The following TNXB variants were observed in gnomAD, a reference collection of about 807,000 sequenced individuals.
TNXB encodes tenascin-X.
TNXB carries 183 observed loss-of-function variants against 340.5 expected under a neutral mutation model. That is an observed-to-expected ratio of 0.54 (90% CI 0.48 to 0.61). The LOEUF is 0.61. TNXB is among the 20% of genes least tolerant of loss of function. TNXB has a pLI of 0.00. For synonymous variants in TNXB, 2,121 were observed against 2,314.5 expected, an observed-to-expected ratio of 0.92 and a Z score of 2.40; for missense variants, 4,613 against 5,446.4, an observed-to-expected ratio of 0.85 and a Z score of 4.82.
Position 32,042,595 on chromosome 6 carries a change from T to G in TNXB, c.12070A>C (p.Ile4024Leu), listed in dbSNP as rs1312451644. The change falls in exon 40 of 44, where the codon ATC becomes CTC. Residue 4024 changes from isoleucine to leucine, a missense_variant. Ile to Leu is a conservative substitution (Grantham distance 5). Coordinates refer to ENST00000644971, the MANE Select transcript of TNXB (RefSeq NM_001365276.2). Reference sequence around the variant, plus strand: ...TCCCCGCAGTCCCTGGGGAAGGGGATCCGCAGCCCACCTGGGAGAGGAGAG... The same window carrying G: ...TCCCCGCAGTCCCTGGGGAAGGGGAGCCGCAGCCCACCTGGGAGAGGAGAG... The part of the protein sequence containing the change: ...STSFTTGGLR[I>L]PFPRDCGEEM... 3 of 1,574,878 alleles carry G rather than the reference T, an allele frequency of 1.9e-6. No homozygotes were observed. The African/African-American group carries it at 4.1e-5, about 22-fold the overall frequency.
chr6:32,065,973 A>T (rs1778312673), intron 18 of TNXB, among the ~76,000 whole-genome samples: 2 of 152,172 alleles, frequency 1.3e-5, no homozygotes, highest in Non-Finnish European at 2.9e-5. Context: ...TTTAAAAATA[A>T]TTTTTTTAAA....
chr6:32,086,005 C>T lies in TNXB; in HGVS notation c.2893G>A (p.Glu965Lys). 1 of 1,606,634 alleles carries T rather than the reference C, an allele frequency of 6.2e-7. No homozygotes were observed. Among genetic ancestry groups the T allele is most frequent in the Non-Finnish European group, 8.5e-7 (1 of 1,178,352 alleles). ...LLQQRPQELG[E>K]LRVLGRDETG... The stretch of plus-strand genomic sequence containing the variant: ...TCATCTCTGCCCAGCACCCTCAACT[C>T]TCCCAGCTCCTGGGGGCGCTGCTGC... Residue 965 changes from glutamate to lysine, a missense_variant, in exon 7 of 44, where the codon GAG (glutamate) becomes AAG (lysine). Transcript: ENST00000644971.
chr6:32,098,010 T>C lies in TNXB; in HGVS notation c.189A>G (p.Thr63=). 6.2e-7 allele frequency: 1 copy of C among 1,607,438 alleles called. No individual in the cohort carries two copies. The highest frequency in any genetic ancestry group is 8.5e-7 in the Non-Finnish European group (1 of 1,178,130). ...GSPSSQLYEH[T]VEGGEKQVVF... is the part of the protein sequence containing the mutation. ...CCACCTGCTTCTCCCCTCCTTCCAC[T>C]GTGTGCTCGTAAAGCTGAGAAGAGG... Residue 63 remains threonine, a synonymous_variant, in exon 2 of 44, where the codon ACA becomes ACG. Coordinates refer to ENST00000644971, the MANE Select transcript of TNXB (RefSeq NM_001365276.2).
rs370069053 is a variant in TNXB at position 32,081,578 on chromosome 6, G to T, written c.3832C>A (p.Arg1278Ser). The T allele has an allele frequency of 1.9e-6, 3 of 1,603,168 alleles. No homozygotes were observed. The highest frequency in any genetic ancestry group is 2.2e-5 in the East Asian group (1 of 44,660). ...CCCTGGGCCACTGTCCATGAGAGAC[G>T]CAAGGAGTCTGGGGTCACGCCGGTC... ...TVTGVTPDSL[R>S]LSWTVAQGPF... The change falls in exon 10 of 44, where the codon CGT becomes AGT. Residue 1278 changes from arginine (R) to serine (S), a missense_variant. By Grantham distance (110) the Arg-to-Ser change is moderately radical. This residue lies in a region of TNXB where 4,327 missense variants were observed against 4,859.4 expected (regional missense o/e 0.89). Coordinates refer to ENST00000644971, the MANE Select transcript of TNXB (RefSeq NM_001365276.2). The surrounding 1 kb of genome is among the most constrained non-coding windows in gnomAD (Gnocchi z 5.1).
Position 32,049,448 on chromosome 6 carries a change from G to C in TNXB, c.9579C>G (p.Phe3193Leu). The C allele has an allele frequency of 6.2e-7, 1 of 1,612,678 alleles. No individual in the cohort carries two copies. Among genetic ancestry groups the C allele is most frequent in the Non-Finnish European group, 8.5e-7 (1 of 1,179,874 alleles). Reference protein sequence around the residue: ...SLSWTVPQGRFDSFTVQYKDR... With the variant: ...SLSWTVPQGRLDSFTVQYKDR... ...CCTTGTACTGCACGGTGAAGGAGTC[G>C]AAGCGGCCCTGGGGGACGGTCCAGG... The change falls in exon 28 of 44, where the codon TTC becomes TTG. Residue 3193 changes from phenylalanine (F) to leucine (L), a missense_variant. Physicochemically the swap from Phe to Leu is conservative, Grantham distance 22. Around this residue, in one of 7 missense-constraint regions of TNXB, gnomAD observed 4,327 missense variants for 4,859.4 expected, o/e 0.89. Coordinates refer to ENST00000644971, the MANE Select transcript of TNXB (RefSeq NM_001365276.2). The surrounding 1 kb of genome is among the most constrained non-coding windows in gnomAD (Gnocchi z 4.5).
rs1225379150 is a variant in TNXB, at chr6:32,085,537, C to T, written c.3148+213G>A. ...TTACCTCTGCCTCTTTCCCCTCTCC[C>T]CACCCATCCTTATCATTGTTTTAAG... On this transcript the variant is annotated intron_variant, in intron 7 of 43. Coordinates refer to ENST00000644971, the MANE Select transcript of TNXB (RefSeq NM_001365276.2). This position sits in a 1 kb window ranked among gnomAD's most constrained non-coding sequence, Gnocchi z 6.4. 6.6e-6 allele frequency among the ~76,000 whole-genome samples: 1 copy of T among 152,156 alleles called. No individual in the cohort carries two copies. The highest frequency in any genetic ancestry group is 1.5e-5 in the Non-Finnish European group (1 of 68,028).
Position 32,082,000 on chromosome 6 carries a change from A to G in TNXB, c.3736+36T>C. On this transcript the variant is annotated intron_variant, in intron 9 of 43. Transcript: ENST00000644971. This position sits in a 1 kb window ranked among gnomAD's most constrained non-coding sequence, Gnocchi z 5.1. ...AAGGGAAGTGTGCATGGGGCTGAGA[A>G]GGGGTCACATGGGGGCTGAGGTGGC... 6.4e-7 allele frequency: 1 copy of G among 1,573,720 alleles called. No homozygotes were observed. Among genetic ancestry groups the G allele is most frequent in the South Asian group, 1.2e-5 (1 of 86,138 alleles).
chr6:32,097,971 G>A lies in TNXB; in HGVS notation c.228C>T (p.Arg76=). The A allele has an allele frequency of 6.2e-7, 1 of 1,607,162 alleles. No individual in the cohort carries two copies. Among genetic ancestry groups the A allele is most frequent in the Non-Finnish European group, 8.5e-7 (1 of 1,178,014 alleles). The change falls in exon 2 of 44, where the codon CGC becomes CGT. Residue 76 remains arginine, a synonymous_variant. Transcript: ENST00000644971. The surrounding 1 kb of genome is among the most constrained non-coding windows in gnomAD (Gnocchi z 5.9). ...AGCCAGTGGAAGGGGGCAGGTTAAT[G>A]CGGTGGGTGAATACCACCTGCTTCT... ...GGEKQVVFTH[R]INLPPSTGCG...
In TNXB at chr6:32,073,734, G is replaced by C; in HGVS notation, c.4594C>G (p.Leu1532Val). The C allele has an allele frequency of 6.2e-7, 1 of 1,612,394 alleles. No homozygotes were observed. Among genetic ancestry groups the C allele is most frequent in the Non-Finnish European group, 8.5e-7 (1 of 1,179,588 alleles). The change falls in exon 12 of 44, where the codon CTG becomes GTG. Residue 1532 changes from leucine (L) to valine (V), a missense_variant. Leu to Val is a conservative substitution (Grantham distance 32, BLOSUM62 1). Coordinates refer to ENST00000644971, the MANE Select transcript of TNXB (RefSeq NM_001365276.2). This position sits in a 1 kb window ranked among gnomAD's most constrained non-coding sequence, Gnocchi z 4.6. ...ADQREVTVYN[L>V]EPERKYKMNM... ...ATCTTATATTTTCTCTCAGGCTCCAGGTTGTAGACTGTGACCTCTCGCTGG... is the reference window on the plus strand; with the variant it reads ...ATCTTATATTTTCTCTCAGGCTCCACGTTGTAGACTGTGACCTCTCGCTGG...
rs770149701 is a variant in TNXB, at chr6:32,096,373, T to A, written c.1480A>T (p.Thr494Ser). 387 of 1,554,782 alleles carry A rather than the reference T, an allele frequency of 2.5e-4. No homozygotes were observed. Among genetic ancestry groups the A allele is most frequent in the Non-Finnish European group, 3.2e-4 (375 of 1,158,330 alleles). ...WPGYTGRDCG[T>S]RACPGDCRGR... The stretch of plus-strand genomic sequence containing the variant: ...CGACAGTCGCCAGGACAGGCGCGCG[T>A]GCCGCAGTCCCGGCCTGTGTACCCC... The change falls in exon 3 of 44, where the codon ACG becomes TCG. Residue 494 changes from threonine (T) to serine (S), a missense_variant. Physicochemically the swap from Thr to Ser is moderately conservative, Grantham distance 58. Coordinates refer to ENST00000644971, the MANE Select transcript of TNXB (RefSeq NM_001365276.2).
Position 32,046,448 on chromosome 6 carries a change from C to G in TNXB, c.10333G>C (p.Glu3445Gln). Reference protein sequence around the residue: ...ISADSTTAPLEKELPPHLGEL... With the variant: ...ISADSTTAPLQKELPPHLGEL... ...CCCAGGTGGGGAGGTAGCTCCTTCT[C>G]CAGGGGAGCTGTGCAGAGGGAGGAG... Residue 3445 changes from glutamate to glutamine, a missense_variant, in exon 31 of 44, where the codon GAG becomes CAG. Physicochemically the swap from Glu to Gln is conservative, Grantham distance 29. Around this residue, in one of 7 missense-constraint regions of TNXB, gnomAD observed 4,327 missense variants for 4,859.4 expected, o/e 0.89. Transcript: ENST00000644971. This position sits in a 1 kb window ranked among gnomAD's most constrained non-coding sequence, Gnocchi z 6.9. The G allele has an allele frequency of 6.4e-7, 1 of 1,573,000 alleles. No homozygotes were observed. The highest frequency in any genetic ancestry group is 8.7e-7 in the Non-Finnish European group (1 of 1,152,558).
Position 32,046,170 on chromosome 6 carries a change from C to T in TNXB, c.10606+5G>A. The stretch of plus-strand genomic sequence containing the variant: ...GCTTGCTATAGCCAGGCACAGCAGC[C>T]TCACCTGTCATTCCCAGGGCAGAGA... On this transcript the variant is annotated splice_donor_5th_base_variant and intron_variant, in intron 31 of 43. Coordinates refer to ENST00000644971, the MANE Select transcript of TNXB (RefSeq NM_001365276.2). The surrounding 1 kb of genome is among the most constrained non-coding windows in gnomAD (Gnocchi z 6.9). 1 of 1,579,078 alleles carries T rather than the reference C, an allele frequency of 6.3e-7. No individual in the cohort carries two copies. The highest frequency in any genetic ancestry group is 8.6e-7 in the Non-Finnish European group (1 of 1,156,872).
At chr6:32,050,893 C>T (rs1777248288) in intron 26 of TNXB, among the ~76,000 whole-genome samples, 1 of 152,186 alleles carries the variant, frequency 6.6e-6, no homozygotes, top group Admixed American at 6.5e-5. Context: ...CCTGCCACCC[C>T]ATCCCCATCT....
At position 32,084,332 on chromosome 6, in the gene TNXB, G is replaced by T; in HGVS notation, c.3445+81C>A. On this transcript the variant is annotated intron_variant, in intron 8 of 43. Transcript: ENST00000644971. The surrounding 1 kb of genome is among the most constrained non-coding windows in gnomAD (Gnocchi z 5.5). ...ACTGCCTCCAGGAAGCCTTCCCGGA[G>T]CTCCCAAAGCAGGTTCCCAAAGCAC... The T allele has an allele frequency of 1.5e-6, 2 of 1,376,746 alleles. No individual in the cohort carries two copies. The highest frequency in any genetic ancestry group is 9.7e-7 in the Non-Finnish European group (1 of 1,032,484). The allele number at this position is 1,376,746 out of a possible 1,614,324, so 85.3% of individuals were successfully genotyped here.
In TNXB at chr6:32,070,412, C is replaced by G. The variant is rs775912582; in HGVS notation, c.4993G>C (p.Ala1665Pro). 1 of 1,585,436 alleles carries G rather than the reference C, an allele frequency of 6.3e-7. No homozygotes were observed. ...GCCCCTGGGCTGGCGTCACCTCGGG[C>G]AACTGGAGAGGAAAGGTTCTTGTGT... ...SPVSVEAKTV[A>P]RGDASPGAPP... Residue 1665 changes from alanine to proline, a missense_variant and splice_region_variant, in exon 14 of 44, where the codon GCC becomes CCC. Coordinates refer to ENST00000644971, the MANE Select transcript of TNXB (RefSeq NM_001365276.2). The surrounding 1 kb of genome is among the most constrained non-coding windows in gnomAD (Gnocchi z 6.0).
intron 1 of TNXB, among the ~76,000 whole-genome samples, chr6:32,099,334 G>C (rs1780594004): frequency 6.6e-6 from 1 of 151,654 alleles, no homozygotes; most frequent in South Asian, 2.1e-4. Flanking sequence ...CCTAGCTCAA[G>C]TGATTTTCCT....
At position 32,097,771 on chromosome 6, in the gene TNXB, C is replaced by T. The variant is rs756113005; in HGVS notation, c.403+25G>A. ...ATGCCCACCCCACCCCACCTCTCCA[C>T]CCTCTTCTGTGATCACCTGCTCACC... On this transcript the variant is annotated intron_variant, in intron 2 of 43. Coordinates refer to ENST00000644971, the MANE Select transcript of TNXB (RefSeq NM_001365276.2). This position sits in a 1 kb window ranked among gnomAD's most constrained non-coding sequence, Gnocchi z 5.9. The T allele has an allele frequency of 1.3e-6, 2 of 1,497,722 alleles. No homozygotes were observed. Among genetic ancestry groups the T allele is most frequent in the Non-Finnish European group, 8.9e-7 (1 of 1,123,318 alleles). The allele number at this position is 1,497,722 out of a possible 1,614,324, so 92.8% of individuals were successfully genotyped here.
At position 32,084,520 on chromosome 6, in the gene TNXB, C is replaced by T. The variant is rs764270756; in HGVS notation, c.3338G>A (p.Arg1113His). Residue 1113 changes from arginine (R) to histidine (H), a missense_variant, in exon 8 of 44, where the codon CGC becomes CAC. Arg to His is a conservative substitution (Grantham distance 29). Transcript: ENST00000644971. This position sits in a 1 kb window ranked among gnomAD's most constrained non-coding sequence, Gnocchi z 5.5. ...PQVVPVEGPQRSAVITSLDPG... is the reference protein window; with the variant it reads ...PQVVPVEGPQHSAVITSLDPG... ...ATCCAGGGAGGTGATGACGGCCGAG[C>T]GCTGGGGTCCTTCCACGGGCACCAC... 12 of 1,609,194 alleles carry T rather than the reference C, an allele frequency of 7.5e-6. No homozygotes were observed. Among genetic ancestry groups the T allele is most frequent in the South Asian group, 1.1e-5 (1 of 90,244 alleles).
intron 13 of TNXB, among the ~76,000 whole-genome samples, chr6:32,071,578 C>CTTTTTTTTTT (rs10694435): frequency 7.1e-6 from 1 of 139,958 alleles, no homozygotes; most frequent in Non-Finnish European, 1.5e-5. Context: ...GCTTTTCTTT[C>CTTTTTTTTTT]TTTTTTTTTT....
Sources: allele counts gnomAD v4.1 joint callset (sites outside exome capture counted in the v4.1 genomes callset), GRCh38; gene constraint gnomAD v4.1.1; regional missense constraint gnomAD v4.1.1; non-coding constraint Gnocchi (gnomAD v3.1); transcripts MANE v1.5; gene names NCBI Gene and HGNC (gene_info 2026-07-23, HGNC 2026-07-21).